COL4A3: variants seen among roughly 807,000 people sequenced by gnomAD.
The protein encoded by COL4A3 is collagen type IV alpha 3 chain.
Under a neutral mutation model 217.4 loss-of-function variants are expected in COL4A3, and 135 were observed. The ratio of observed to expected loss-of-function variants is 0.62; its 90% CI spans 0.54 to 0.72. COL4A3 has a LOEUF of 0.72. Ranked by LOEUF, COL4A3 falls within the 30% of genes least tolerant of loss-of-function variation. COL4A3 has a pLI of 0.00. For synonymous variants in COL4A3, 690 were observed against 736.3 expected (o/e 0.94, Z 1.02); for missense variants, 1,868 against 2,119.9 (o/e 0.88, Z 2.33).
At chr2:227,259,037 C>T (rs1486119351) in intron 18 of COL4A3, 1 of 151,228 alleles carries the variant, frequency 6.6e-6, no homozygotes, top group African/African-American at 2.4e-5. Context: ...GATATTTCCA[C>T]CTTTTTTCCT....
intron 26 of COL4A3, among the ~76,000 whole-genome samples, chr2:227,275,964 C>T (rs1468490940): frequency 6.6e-6 from 1 of 151,838 alleles, no homozygotes; most frequent in Admixed American, 6.6e-5. Flanking sequence ...AATTGCAGCT[C>T]GCTGCCAGCG....
At chr2:227,303,717 T>G in intron 44 of COL4A3, 142 bp from the exon 45 acceptor site, 1 of 799,918 alleles carries the variant, frequency 1.3e-6, no homozygotes, top group Non-Finnish European at 2.1e-6. Context: ...CAAAATGAAA[T>G]TGTAGCCCTT....
chr2:227,208,768 AC>A (rs2067196863), intron 1 of COL4A3, among the ~76,000 whole-genome samples: 1 of 83,328 alleles, frequency 1.2e-5, no homozygotes, highest in African/African-American at 6.2e-5. Flanking sequence ...GGTTGGTTAC[AC>A]ACACACACAC....
chr2:227,296,208 G>A (rs547597637), intron 41 of COL4A3: 1 of 152,294 alleles, frequency 6.6e-6, no homozygotes, highest in Admixed American at 6.5e-5. Flanking sequence ...TGTTCTTTCG[G>A]TTGAGCTCAG....
At chr2:227,214,914 G>A (rs1187739090) in intron 1 of COL4A3, among the ~76,000 whole-genome samples, 1 of 152,030 alleles carries the variant, frequency 6.6e-6, no homozygotes, top group Non-Finnish European at 1.5e-5. Flanking sequence ...GGCTGCAAAG[G>A]GCACTACTTA....
chr2:227,275,958 G>A (rs13382893), intron 26 of COL4A3, among the ~76,000 whole-genome samples: 8,865 of 151,270 alleles, frequency 0.059, 666 homozygotes, highest in African/African-American at 0.17. Context: ...AAAAAAAATT[G>A]CAGCTCGCTG....
At position 227,270,758 on chromosome 2, in the gene COL4A3, G is replaced by C. The variant is rs762474168; in HGVS notation, c.1576-12G>C. 4.3e-6 allele frequency: 7 copies of C among 1,612,532 alleles called. No individual in the cohort carries two copies. The highest frequency in any genetic ancestry group is 1.3e-5 in the African/African-American group (1 of 74,882). On this transcript the variant is annotated splice_polypyrimidine_tract_variant and intron_variant, in intron 24 of 51. Coordinates refer to ENST00000396578, the MANE Select transcript of COL4A3 (RefSeq NM_000091.5). ...CAAAATACAATACAGATTCATTTGT[G>C]TACTACCCTAGGGTTTCCCAGGTGC... is the stretch of plus-strand genomic sequence containing the variant.
intron 1 of COL4A3, among the ~76,000 whole-genome samples, chr2:227,209,228 T>TG (rs1268252288): frequency 3.3e-5 from 5 of 152,248 alleles, no homozygotes; most frequent in Non-Finnish European, 5.9e-5. Flanking sequence ...TAAGAGTATG[T>TG]GGCCTATGTT....
chr2:227,287,363 G>A (rs759176830), intron 34 of COL4A3, among the ~76,000 whole-genome samples: 10 of 151,996 alleles, frequency 6.6e-5, no homozygotes, highest in Non-Finnish European at 8.8e-5. Context: ...CCCGGAAGGC[G>A]GAGGTTGCAG....
chr2:227,266,923 TG>T (rs2070929975), intron 22 of COL4A3, 69 bp from the exon 23 acceptor site: 1 of 1,029,000 alleles, frequency 9.7e-7, no homozygotes, highest in East Asian at 2.4e-5. Flanking sequence ...ATAGTGTGGT[TG>T]GAAAATATTT....
intron 15 of COL4A3, among the ~76,000 whole-genome samples, chr2:227,255,554 C>T (rs774639711): frequency 6.6e-5 from 10 of 152,048 alleles, no homozygotes; most frequent in South Asian, 2.1e-4. Context: ...TCCAAACTGC[C>T]GGTTGAGATA....
intron 48 of COL4A3, 60 bp downstream of exon 48, chr2:227,307,979 T>C (rs951701935): frequency 9.0e-6 from 13 of 1,438,856 alleles, no homozygotes; most frequent in African/African-American, 2.8e-5. Flanking sequence ...TAAATCTTTA[T>C]AGCCTAGGAT....
At chr2:227,242,177 G>A (rs758124156) in intron 3 of COL4A3, among the ~76,000 whole-genome samples, 2 of 152,110 alleles carry the variant, frequency 1.3e-5, no homozygotes, top group African/African-American at 4.8e-5. Context: ...CCATAATGCC[G>A]TCCAACTTGG....
chr2:227,277,535 G>C lies in COL4A3; in HGVS notation c.2107G>C (p.Gly703Arg), dbSNP rs895264273. 1.2e-6 allele frequency: 2 copies of C among 1,610,210 alleles called. No homozygotes were observed. Among genetic ancestry groups the C allele is most frequent in the African/African-American group, 1.3e-5 (1 of 74,968 alleles). The change falls in exon 28 of 52, where the codon GGG (glycine) becomes CGG (arginine). Residue 703 changes from glycine (G) to arginine (R), a missense_variant. Gly to Arg is a moderately radical substitution (Grantham distance 125). Transcript: ENST00000396578. Reference protein sequence around the residue: ...EPGIPGIGFPGPPGPKGDQGF... With the variant: ...EPGIPGIGFPRPPGPKGDQGF... ...AGGAATTCCAGGAATTGGATTTCCT[G>C]GGCCTCCTGGACCTAAGGGTAAATT... is the stretch of plus-strand genomic sequence containing the variant.
intron 43 of COL4A3, among the ~76,000 whole-genome samples, chr2:227,300,824 G>A (rs2073250363): frequency 6.6e-6 from 1 of 152,168 alleles, no homozygotes; most frequent in Admixed American, 6.5e-5. Context: ...CCCTCCCCAA[G>A]GAGATTGATG....
chr2:227,189,383 A>G (rs1248112575), intron 1 of COL4A3, among the ~76,000 whole-genome samples: 1 of 152,172 alleles, frequency 6.6e-6, no homozygotes, highest in African/African-American at 2.4e-5. Flanking sequence ...GATCCCCGTG[A>G]GACAAGGAGG....
At chr2:227,208,343 C>T (rs2067179612) in intron 1 of COL4A3, among the ~76,000 whole-genome samples, 1 of 152,126 alleles carries the variant, frequency 6.6e-6, no homozygotes, top group East Asian at 1.9e-4. Context: ...CCGAACCTCC[C>T]CAAATTGCTC....
At position 227,289,857 on chromosome 2, in the gene COL4A3, GA is replaced by G. The variant is rs2072573218; in HGVS notation, c.2981-137del. On this transcript the variant is annotated intron_variant, in intron 35 of 51. Coordinates refer to ENST00000396578, the MANE Select transcript of COL4A3 (RefSeq NM_000091.5). Reference sequence around the variant, plus strand: ...GTCCCTAGTTCCCTCTTATTTGAAGGAAAAAGGACAGCTAGACAAGTGCCCA... The same window carrying G: ...GTCCCTAGTTCCCTCTTATTTGAAGGAAAAGGACAGCTAGACAAGTGCCCA... 1.7e-5 allele frequency: 13 copies of G among 754,278 alleles called. No homozygotes were observed. In the East Asian group the frequency reaches 3.0e-4, roughly 17 times the overall value. 46.7% of individuals were successfully genotyped at this position (754,278 alleles called of 1,614,324 possible).
intron 1 of COL4A3, among the ~76,000 whole-genome samples, chr2:227,225,897 A>G (rs1253797449): frequency 2.0e-5 from 3 of 151,940 alleles, no homozygotes; most frequent in African/African-American, 7.3e-5. Context: ...TTTTTAGTAG[A>G]GACAGGGTTT....
Sources: gnomAD v4.1 joint callset for allele counts (sites outside exome capture counted in the v4.1 genomes callset) on GRCh38, gnomAD v4.1.1 for gene constraint, MANE v1.5 for transcripts, NCBI Gene and HGNC (gene_info 2026-07-23, HGNC 2026-07-21) for gene names.